The following KRCC1 variants were observed in gnomAD, a reference collection of about 807,000 sequenced individuals.
KRCC1 encodes the protein lysine-rich coiled-coil protein 1.
KRCC1 carries 3 observed loss-of-function variants against 7.4 expected under a neutral mutation model. The ratio of observed to expected loss-of-function variants is 0.40; its 90% CI spans 0.18 to 1.04. KRCC1 has a LOEUF of 1.04. Among genes scored for constraint, KRCC1 ranks in the 50% least tolerant of loss-of-function variants. The pLI, the probability that KRCC1 is intolerant of heterozygous loss-of-function variation, is 0.33. For missense variants in KRCC1, 277 were observed against 300.9 expected, an observed-to-expected ratio of 0.92 and a Z score of 0.59; for synonymous variants, 102 against 101.6, an observed-to-expected ratio of 1.00 and a Z score of -0.02.
At chr2:88,041,302 G>C (rs997020464) in intron 1 of KRCC1, among the ~76,000 whole-genome samples, 1 of 152,206 alleles carries the variant, frequency 6.6e-6, no homozygotes, top group African/African-American at 2.4e-5. Flanking sequence ...CTTTGACAGA[G>C]AAAGTAAGGA....
chr2:88,042,586 T>C (rs1673236741), intron 1 of KRCC1, among the ~76,000 whole-genome samples: 1 of 152,090 alleles, frequency 6.6e-6, no homozygotes. Context: ...CCCAGCTAAT[T>C]TTAAATAATA....
chr2:88,035,033 G>T (rs1321606026), intron 2 of KRCC1, among the ~76,000 whole-genome samples: 4 of 151,994 alleles, frequency 2.6e-5, no homozygotes, highest in Non-Finnish European at 5.9e-5. Context: ...ATACCCCAAA[G>T]AACTATAAAT....
chr2:88,051,335 A>G (rs1473148895), intron 1 of KRCC1, among the ~76,000 whole-genome samples: 2 of 152,220 alleles, frequency 1.3e-5, no homozygotes, highest in African/African-American at 4.8e-5. Flanking sequence ...TGCTCTTCAA[A>G]TCAGTTTTAA....
intron 1 of KRCC1, among the ~76,000 whole-genome samples, chr2:88,053,865 G>T (rs1673554187): frequency 6.6e-6 from 1 of 152,124 alleles, no homozygotes; most frequent in Non-Finnish European, 1.5e-5. Flanking sequence ...TTGGAAAAAG[G>T]AATCTAAATT....
chr2:88,039,962 T>C (rs1673172015), intron 1 of KRCC1, among the ~76,000 whole-genome samples: 1 of 151,624 alleles, frequency 6.6e-6, no homozygotes, highest in Admixed American at 6.6e-5. Flanking sequence ...ACCAGGAGTT[T>C]GAGACCAGCC....
At position 88,027,669 on chromosome 2, in the gene KRCC1, G is replaced by T; in HGVS notation, c.*115C>A. On this transcript the variant is annotated 3_prime_UTR_variant, in exon 4 of 4. Transcript: ENST00000347055. ...TAAACACTTTGTTTACTAGGCCTTT[G>T]TTAGAAGTTAAAGAACCTATTCACA... The T allele has an allele frequency of 1.1e-6, 1 of 870,842 alleles. No individual in the cohort carries two copies. 53.9% of individuals were successfully genotyped at this position (870,842 alleles called of 1,614,324 possible).
rs148530770 is a variant in KRCC1, at chr2:88,040,821, TG to T, written c.-290-3771del. On this transcript the variant is annotated intron_variant, in intron 1 of 3. Transcript: ENST00000347055. ...GACATAAGAAGGTATAATGTGTTCT[TG>T]GTGAGGGGTTTGTGGTAAAGAATAG... Among the ~76,000 whole-genome samples, 1,173 of 152,292 alleles carry T rather than the reference TG, an allele frequency of 7.7e-3. 15 individuals are homozygous for T. The highest frequency in any genetic ancestry group is 0.027 in the African/African-American group (1,142 of 41,564).
At chr2:88,055,559 T>C (rs933352470) in intron 1 of KRCC1, 67 bp downstream of exon 1, 4 of 151,908 alleles carry the variant, frequency 2.6e-5, no homozygotes, top group Admixed American at 6.6e-5. Context: ...GCGCGAGGCC[T>C]GTCCTGGAGC....
At chr2:88,032,097 G>A (rs753242142) in intron 3 of KRCC1, among the ~76,000 whole-genome samples, 8 of 151,992 alleles carry the variant, frequency 5.3e-5, no homozygotes, top group Admixed American at 1.3e-4. Flanking sequence ...AGCCGAGATC[G>A]CGCCACTGCA....
intron 1 of KRCC1, among the ~76,000 whole-genome samples, chr2:88,053,542 A>G (rs182248396): frequency 1.6e-4 from 24 of 152,306 alleles, no homozygotes; most frequent in African/African-American, 5.8e-4. Flanking sequence ...TGTGTTATAA[A>G]AGCAAAATAA....
intron 1 of KRCC1, among the ~76,000 whole-genome samples, chr2:88,048,270 C>T (rs1363257469): frequency 6.6e-6 from 1 of 151,928 alleles, no homozygotes; most frequent in Non-Finnish European, 1.5e-5. Context: ...TTAGTAGAGA[C>T]AGGGTTTCAC....
chr2:88,032,268 C>A lies in KRCC1; in HGVS notation c.-23+1866G>T, dbSNP rs778051704. Among the ~76,000 whole-genome samples the A allele has an allele frequency of 7.2e-5, 11 of 152,262 alleles. No individual in the cohort carries two copies. In the Middle Eastern group the frequency reaches 0.014, roughly 188 times the overall value. ...CCACTCACTGACTCAGAGCAACTTG[C>A]AGTCCTGCAAGCTCCTCCATTCATG... On this transcript the variant is annotated intron_variant, in intron 3 of 3. Transcript: ENST00000347055.
intron 1 of KRCC1, among the ~76,000 whole-genome samples, chr2:88,037,864 C>G (rs1466937177): frequency 1.3e-5 from 2 of 152,220 alleles, no homozygotes; most frequent in South Asian, 2.1e-4. Context: ...GTGTTTCTCA[C>G]TTAATGAATT....
chr2:88,029,926 C>T (rs1672962711), intron 3 of KRCC1, among the ~76,000 whole-genome samples: 1 of 150,036 alleles, frequency 6.7e-6, no homozygotes, highest in African/African-American at 2.5e-5. Flanking sequence ...CGTCTCACTG[C>T]AACCTCCGCC....
intron 3 of KRCC1, among the ~76,000 whole-genome samples, chr2:88,029,854 ATT>A (rs11334245): frequency 7.2e-6 from 1 of 138,388 alleles, no homozygotes; most frequent in African/African-American, 2.7e-5. Flanking sequence ...ATATATATAT[ATT>A]TTTTTTTTTG....
At chr2:88,042,804 A>G (rs997391852) in intron 1 of KRCC1, among the ~76,000 whole-genome samples, 48 of 152,184 alleles carry the variant, frequency 3.2e-4, no homozygotes, top group African/African-American at 1.0e-3. Flanking sequence ...TCAGTCTATG[A>G]CTTCATTCAC....
At chr2:88,048,115 T>C (rs1673384225) in intron 1 of KRCC1, among the ~76,000 whole-genome samples, 1 of 149,152 alleles carries the variant, frequency 6.7e-6, no homozygotes, top group Admixed American at 6.8e-5. Flanking sequence ...GGAGTTTCAC[T>C]CTTGTTGCGC....
intron 1 of KRCC1, among the ~76,000 whole-genome samples, chr2:88,051,014 C>T (rs1185799599): frequency 6.6e-6 from 1 of 151,428 alleles, no homozygotes; most frequent in African/African-American, 2.4e-5. Flanking sequence ...GCCTCGACCT[C>T]CTGGATTCAA....
intron 1 of KRCC1, among the ~76,000 whole-genome samples, chr2:88,039,418 G>A (rs560736542): frequency 6.6e-6 from 1 of 152,304 alleles, no homozygotes; most frequent in East Asian, 1.9e-4. Flanking sequence ...TGGGTGTGAT[G>A]GCTCATGCCT....
Sources: gnomAD v4.1 joint callset for allele counts (sites outside exome capture counted in the v4.1 genomes callset) on GRCh38, gnomAD v4.1.1 for gene constraint, MANE v1.5 for transcripts, NCBI Gene and HGNC (gene_info 2026-07-23, HGNC 2026-07-21) for gene names.